The following FRMD4A variants were observed in gnomAD, a reference collection of about 807,000 sequenced individuals.
FRMD4A encodes the protein FERM domain containing 4A.
FRMD4A carries 29 observed loss-of-function variants against 129.1 expected under a neutral mutation model. The ratio of observed to expected loss-of-function variants is 0.22; its 90% CI spans 0.17 to 0.31. The LOEUF is 0.31. FRMD4A is among the 10% of genes least tolerant of loss of function. The probability of loss-of-function intolerance (pLI) is 1.00; values close to 1 mark genes in which losing one functional copy is unlikely to be tolerated. For missense variants in FRMD4A, 1,272 were observed against 1,375.8 expected (o/e 0.92, Z 1.19); for synonymous variants, 634 against 571.6 (o/e 1.11, Z -1.56).
intron 2 of FRMD4A, among the ~76,000 whole-genome samples, chr10:14,100,412 C>A (rs968672206): frequency 2.0e-5 from 3 of 152,112 alleles, no homozygotes; most frequent in African/African-American, 7.2e-5. Flanking sequence ...ATGATTCTAT[C>A]ATTATCTGCA....
chr10:13,665,790 A>T lies in FRMD4A; in HGVS notation c.1603+307T>A, dbSNP rs373039455. On this transcript the variant is annotated intron_variant, in intron 18 of 24. Transcript: ENST00000357447. ...TGTCAGAGCCTGGTCTAGCCCAGTCAACTCAGCTCAGTTCACAGTAAGGGC... is the reference window on the plus strand; with the variant it reads ...TGTCAGAGCCTGGTCTAGCCCAGTCTACTCAGCTCAGTTCACAGTAAGGGC... Among the ~76,000 whole-genome samples, 32 of 152,338 alleles carry T rather than the reference A, an allele frequency of 2.1e-4. No individual in the cohort carries two copies. In the South Asian group the frequency reaches 5.2e-3, roughly 25 times the overall value.
intron 14 of FRMD4A, among the ~76,000 whole-genome samples, chr10:13,699,579 G>A (rs905544280): frequency 3.3e-5 from 5 of 152,196 alleles, no homozygotes. Context: ...CCAATGCTGT[G>A]CTATCCTCAG....
At chr10:14,243,745 A>G (rs1354204395) in intron 2 of FRMD4A, among the ~76,000 whole-genome samples, 1 of 152,058 alleles carries the variant, frequency 6.6e-6, no homozygotes, top group African/African-American at 2.4e-5. Context: ...TGGTTGCACA[A>G]CTATGAATGT....
chr10:13,822,048 GATATAT>G (rs147039540), intron 3 of FRMD4A, among the ~76,000 whole-genome samples: 1 of 150,356 alleles, frequency 6.7e-6, no homozygotes, highest in South Asian at 2.1e-4. Flanking sequence ...AAATGGAAAC[GATATAT>G]ATATATATAC....
chr10:13,918,756 T>C (rs1390786009), intron 2 of FRMD4A, among the ~76,000 whole-genome samples: 1 of 151,944 alleles, frequency 6.6e-6, no homozygotes, highest in Non-Finnish European at 1.5e-5. Context: ...CTCGAACTCC[T>C]GACCACAGTG....
chr10:14,144,480 C>T (rs543136378), intron 2 of FRMD4A, among the ~76,000 whole-genome samples: 5 of 152,190 alleles, frequency 3.3e-5, no homozygotes, highest in African/African-American at 1.2e-4. Flanking sequence ...TGCTCTGCAT[C>T]GTATGCAGGT....
At chr10:13,984,642 T>G (rs2095574549) in intron 2 of FRMD4A, among the ~76,000 whole-genome samples, 1 of 152,256 alleles carries the variant, frequency 6.6e-6, no homozygotes, top group South Asian at 2.1e-4. Flanking sequence ...TGTTTTTTTG[T>G]GACTGGCTTA....
chr10:13,930,120 A>G (rs2095176416), intron 2 of FRMD4A, among the ~76,000 whole-genome samples: 1 of 152,176 alleles, frequency 6.6e-6, no homozygotes. Flanking sequence ...CCCTATTTCA[A>G]ACTTGGTGAG....
chr10:14,030,325 T>C (rs887186793), intron 2 of FRMD4A, among the ~76,000 whole-genome samples: 1 of 152,206 alleles, frequency 6.6e-6, no homozygotes, highest in Non-Finnish European at 1.5e-5. Flanking sequence ...GATAGATACA[T>C]TAATTAGCTT....
At chr10:14,066,106 T>C (rs1835048055) in intron 2 of FRMD4A, among the ~76,000 whole-genome samples, 1 of 150,830 alleles carries the variant, frequency 6.6e-6, no homozygotes, top group Admixed American at 6.6e-5. Flanking sequence ...GTATATCCTT[T>C]GGACGTGAAA....
Position 14,017,407 on chromosome 10 carries a change from T to A in FRMD4A, c.46-158495A>T, listed in dbSNP as rs76530526. Reference sequence around the variant, plus strand: ...ACCTGGAATGGCAATATAAATAACGTCCTTATCTATGGTATTGACTGCCCA... The same window carrying A: ...ACCTGGAATGGCAATATAAATAACGACCTTATCTATGGTATTGACTGCCCA... On this transcript the variant is annotated intron_variant, in intron 2 of 24. Coordinates refer to ENST00000357447, the MANE Select transcript of FRMD4A (RefSeq NM_018027.5). Among the ~76,000 whole-genome samples the A allele has an allele frequency of 7.8e-3, 1,189 of 152,306 alleles. 16 individuals are homozygous for A. Among genetic ancestry groups the A allele is most frequent in the African/African-American group, 0.027 (1,118 of 41,556 alleles).
At chr10:13,840,906 G>A (rs755589774) in intron 3 of FRMD4A, among the ~76,000 whole-genome samples, 13 of 151,324 alleles carry the variant, frequency 8.6e-5, no homozygotes, top group South Asian at 4.2e-4. Context: ...CCAGGAGTTC[G>A]ACACCAGCCT....
intron 2 of FRMD4A, among the ~76,000 whole-genome samples, chr10:14,089,373 T>A (rs1297108481): frequency 6.6e-6 from 1 of 152,028 alleles, no homozygotes; most frequent in East Asian, 1.9e-4. Flanking sequence ...AAGCCACTTA[T>A]CACCACGGTT....
intron 2 of FRMD4A, among the ~76,000 whole-genome samples, chr10:13,959,292 T>C (rs961921788): frequency 2.5e-4 from 38 of 151,926 alleles, no homozygotes; most frequent in African/African-American, 8.9e-4. Context: ...ACCAATATGG[T>C]GAAACCCTAT....
At chr10:14,074,168 T>C (rs1049477985) in intron 2 of FRMD4A, 1 of 152,158 alleles carries the variant, frequency 6.6e-6, no homozygotes, top group Non-Finnish European at 1.5e-5. Flanking sequence ...GCTTAGGTGG[T>C]AAGTACAAAG....
chr10:13,817,819 C>T (rs1461937138), intron 3 of FRMD4A, among the ~76,000 whole-genome samples: 8 of 152,192 alleles, frequency 5.3e-5, no homozygotes, highest in African/African-American at 1.7e-4. Flanking sequence ...CTAATACACA[C>T]ACCCACATGA....
chr10:14,132,800 C>A (rs1296059293), intron 2 of FRMD4A, among the ~76,000 whole-genome samples: 1 of 152,184 alleles, frequency 6.6e-6, no homozygotes, highest in Non-Finnish European at 1.5e-5. Context: ...GAAGCTCTGC[C>A]CTCTGGGAGT....
intron 2 of FRMD4A, among the ~76,000 whole-genome samples, chr10:14,219,537 C>T (rs1843180350): frequency 6.6e-6 from 1 of 152,166 alleles, no homozygotes; most frequent in Non-Finnish European, 1.5e-5. Flanking sequence ...GGTCATGGTA[C>T]AAGGTGGAAG....
intron 11 of FRMD4A, 139 bp downstream of exon 11, chr10:13,740,055 G>A (rs576639113): frequency 2.5e-5 from 16 of 649,686 alleles, no homozygotes; most frequent in East Asian, 7.8e-5. Flanking sequence ...AGCCAAGATC[G>A]CACCCTGCAC....
Sources: gnomAD v4.1 joint callset for allele counts (sites outside exome capture counted in the v4.1 genomes callset) on GRCh38, gnomAD v4.1.1 for gene constraint, MANE v1.5 for transcripts, NCBI Gene and HGNC (gene_info 2026-07-23, HGNC 2026-07-21) for gene names.